The following CLIC5 variants were observed in gnomAD, a reference collection of about 807,000 sequenced individuals.
The protein encoded by CLIC5 is chloride intracellular channel protein 5.
A neutral mutation model predicts 24.7 loss-of-function variants in CLIC5; 20 were observed. That is an observed-to-expected ratio of 0.81 (90% CI 0.57 to 1.18). The LOEUF (loss-of-function observed/expected upper bound fraction) is 1.18, where lower values mean the gene tolerates loss of function less well. CLIC5 is among the 50% of genes most tolerant of loss of function. The probability of loss-of-function intolerance (pLI) is 0.00; values close to 1 mark genes in which losing one functional copy is unlikely to be tolerated. For missense variants in CLIC5, 341 were observed against 326.1 expected (o/e 1.05, Z -0.35); for synonymous variants, 159 against 135.6 (o/e 1.17, Z -1.20).
At chr6:45,909,416 A>G (rs1762752967) in intron 5 of CLIC5, among the ~76,000 whole-genome samples, 1 of 152,186 alleles carries the variant, frequency 6.6e-6, no homozygotes, top group African/African-American at 2.4e-5. Flanking sequence ...AGCAGGTATC[A>G]TTCTTTTGTT....
chr6:46,037,014 T>G (rs569965893), intron 1 of CLIC5, among the ~76,000 whole-genome samples: 6 of 152,134 alleles, frequency 3.9e-5, no homozygotes, highest in Admixed American at 6.5e-5. Context: ...CTTCCCCCAT[T>G]TTTTTTTCAT....
At position 45,944,082 on chromosome 6, in the gene CLIC5, C is replaced by T. The variant is rs79232388; in HGVS notation, c.300-2429G>A. On this transcript the variant is annotated intron_variant, in intron 3 of 5. Coordinates refer to ENST00000339561, the MANE Select transcript of CLIC5 (RefSeq NM_016929.5). ...ACTCACAGAAACAGCTTTGAAATAA[C>T]ATTGGATGTGATCTGATGATAATCA... 3.4e-4 allele frequency among the ~76,000 whole-genome samples: 52 copies of T among 152,058 alleles called. 1 individual carries two copies. Among genetic ancestry groups the T allele is most frequent in the Non-Finnish European group, 7.2e-4 (49 of 67,968 alleles).
chr6:45,943,184 C>A (rs899453322), intron 3 of CLIC5, among the ~76,000 whole-genome samples: 2 of 152,248 alleles, frequency 1.3e-5, no homozygotes, highest in Non-Finnish European at 2.9e-5. Context: ...ACATGGCTGC[C>A]TGGCAGAGCC....
Position 45,901,367 on chromosome 6 carries a change from C to T in CLIC5, c.*1721G>A, listed in dbSNP as rs143867876. 9.2e-5 allele frequency: 14 copies of T among 152,254 alleles called. No homozygotes were observed. In the East Asian group the frequency reaches 2.7e-3, roughly 29 times the overall value. The allele number at this position is 152,254 out of a possible 1,614,324, so 9.4% of individuals were successfully genotyped here. On this transcript the variant is annotated 3_prime_UTR_variant, in exon 6 of 6. Transcript: ENST00000339561. Reference sequence around the variant, plus strand: ...TCAATGGGCTCTAGGAGACCTCCTGCTTCCTCTCCTCTGATTTGATCAATG... The same window carrying T: ...TCAATGGGCTCTAGGAGACCTCCTGTTTCCTCTCCTCTGATTTGATCAATG...
In CLIC5 at chr6:46,062,498, C is replaced by T. The variant is rs1055595081; in HGVS notation, c.540+17205G>A. 5.3e-5 allele frequency among the ~76,000 whole-genome samples: 8 copies of T among 152,206 alleles called. No individual in the cohort carries two copies. In the East Asian group the frequency reaches 1.5e-3, roughly 29 times the overall value. ...ATGGAGGCTGACAGCCTCTGACAGG[C>T]CCTGCCCTTCTGCTGACCCCCAGGC... On this transcript the variant is annotated intron_variant, in intron 1 of 5. Coordinates refer to the CLIC5 transcript ENST00000185206.
the CLIC5 span, among the ~76,000 whole-genome samples, chr6:46,101,738 T>C: frequency 6.6e-6 from 1 of 152,214 alleles, no homozygotes; most frequent in Non-Finnish European, 1.5e-5. Flanking sequence ...TTTGGTCTGT[T>C]GAACCTAGTG....
chr6:45,965,032 C>T (rs940097681), intron 1 of CLIC5, among the ~76,000 whole-genome samples: 2 of 152,114 alleles, frequency 1.3e-5, no homozygotes, highest in Non-Finnish European at 2.9e-5. Flanking sequence ...AAATATTATG[C>T]CTTGATGAAG....
chr6:45,912,301 ATCT>A (rs1762850982), intron 5 of CLIC5: 5 of 1,005,050 alleles, frequency 5.0e-6, no homozygotes, highest in Middle Eastern at 5.1e-4. Context: ...TTCATTGGCC[ATCT>A]TCTTTTTGAT....
At chr6:45,909,040 CT>C (rs60050419) in intron 5 of CLIC5, among the ~76,000 whole-genome samples, 3,632 of 136,418 alleles carry the variant, frequency 0.027, 119 homozygotes, top group African/African-American at 0.083. Context: ...CTTCTTTGTT[CT>C]TTTTTTTTTT....
At chr6:46,112,546 T>A in the CLIC5 span, among the ~76,000 whole-genome samples, 1 of 152,216 alleles carries the variant, frequency 6.6e-6, no homozygotes, top group African/African-American at 2.4e-5. Flanking sequence ...CACGTGCATG[T>A]TAATAAATTT....
intron 1 of CLIC5, among the ~76,000 whole-genome samples, chr6:45,994,628 A>G (rs1266712112): frequency 1.3e-5 from 2 of 152,168 alleles, no homozygotes; most frequent in Non-Finnish European, 2.9e-5. Context: ...AATAAAAATA[A>G]AAATAAAAAA....
intron 6 of CLIC5, among the ~76,000 whole-genome samples, chr6:45,885,723 C>T (rs1021223932): frequency 6.6e-6 from 1 of 152,170 alleles, no homozygotes; most frequent in African/African-American, 2.4e-5. Flanking sequence ...GAGAAAGTGG[C>T]CCTCTCATTC....
At chr6:46,031,430 C>A (rs192860907) in intron 1 of CLIC5, among the ~76,000 whole-genome samples, 1 of 152,296 alleles carries the variant, frequency 6.6e-6, no homozygotes, top group South Asian at 2.1e-4. Flanking sequence ...TATGAAAAGG[C>A]ATCCTACTAA....
chr6:45,941,713 G>A (rs1227970485), intron 3 of CLIC5, 60 bp from the exon 4 acceptor site: 4 of 1,241,716 alleles, frequency 3.2e-6, no homozygotes, highest in Non-Finnish European at 3.6e-6. Context: ...TTAAGGGTGA[G>A]CCTATCCCTA....
At chr6:46,028,863 T>A (rs1188242641) in intron 1 of CLIC5, among the ~76,000 whole-genome samples, 1 of 152,200 alleles carries the variant, frequency 6.6e-6, no homozygotes, top group East Asian at 1.9e-4. Context: ...CTTGGTATTA[T>A]ACATTCCATA....
In CLIC5 at chr6:45,902,733, C is replaced by A; in HGVS notation, c.*355G>T. Reference sequence around the variant, plus strand: ...GAGGGTAGAAAAGGAGTTGGTGTTGCATGTTTCTAAAGCATCTGAGAAGGT... The same window carrying A: ...GAGGGTAGAAAAGGAGTTGGTGTTGAATGTTTCTAAAGCATCTGAGAAGGT... On this transcript the variant is annotated 3_prime_UTR_variant, in exon 6 of 6. Coordinates refer to ENST00000339561, the MANE Select transcript of CLIC5 (RefSeq NM_016929.5). The A allele has an allele frequency of 4.1e-6, 1 of 243,954 alleles. No homozygotes were observed. 15.1% of individuals were successfully genotyped at this position (243,954 alleles called of 1,614,324 possible). A position where few individuals can be genotyped will look rare whatever the true frequency, so the allele number is the denominator to read the frequency against.
intron 1 of CLIC5, among the ~76,000 whole-genome samples, chr6:46,050,410 G>T (rs1768071105): frequency 1.3e-5 from 2 of 152,154 alleles, no homozygotes; most frequent in Admixed American, 1.3e-4. Flanking sequence ...TATACCATTT[G>T]TCCAAGCACA....
chr6:45,985,748 T>C (rs567407165), intron 1 of CLIC5, among the ~76,000 whole-genome samples: 1 of 152,234 alleles, frequency 6.6e-6, no homozygotes, highest in East Asian at 1.9e-4. Context: ...TCATCCTCCT[T>C]CCAGTGACTC....
chr6:46,062,329 AT>A (rs1254699535), intron 1 of CLIC5, among the ~76,000 whole-genome samples: 6 of 152,370 alleles, frequency 3.9e-5, no homozygotes, highest in African/African-American at 1.4e-4. Context: ...AAAGGCATTC[AT>A]GCCAGGTATT....
Sources: allele counts gnomAD v4.1 joint callset (sites outside exome capture counted in the v4.1 genomes callset), GRCh38; gene constraint gnomAD v4.1.1; transcripts MANE v1.5; gene names NCBI Gene and HGNC (gene_info 2026-07-23, HGNC 2026-07-21).